The following CEP112 variants were observed in gnomAD, a reference collection of about 807,000 sequenced individuals.
CEP112 encodes the protein centrosomal protein 112, also known as centrosomal protein of 112 kDa.
CEP112 carries 127 observed loss-of-function variants against 153.0 expected under a neutral mutation model. That is an observed-to-expected ratio of 0.83 (90% CI 0.72 to 0.96). CEP112 has a LOEUF of 0.96. Ranked by LOEUF, CEP112 falls within the 40% of genes least tolerant of loss-of-function variation. The pLI, the probability that CEP112 is intolerant of heterozygous loss-of-function variation, is 0.00. For synonymous variants in CEP112, 358 were observed against 374.4 expected (o/e 0.96, Z 0.51); for missense variants, 1,089 against 1,101.2 (o/e 0.99, Z 0.16).
chr17:66,189,970 T>A (rs2073101828), intron 1 of CEP112, among the ~76,000 whole-genome samples: 1 of 152,126 alleles, frequency 6.6e-6, no homozygotes, highest in Non-Finnish European at 1.5e-5. Flanking sequence ...AGGTCAAGGC[T>A]GCAATGAGCC....
intron 21 of CEP112, among the ~76,000 whole-genome samples, chr17:65,847,133 A>T (rs773767680): frequency 2.6e-5 from 4 of 152,120 alleles, no homozygotes; most frequent in African/African-American, 9.7e-5. Context: ...TGTAAAAGAG[A>T]GTCTTCCCTT....
At chr17:66,138,871 CATCA>C (rs544159564) in intron 4 of CEP112, among the ~76,000 whole-genome samples, 67 of 152,142 alleles carry the variant, frequency 4.4e-4, no homozygotes, top group Admixed American at 3.5e-3. Context: ...AACAAATTCT[CATCA>C]ATCAATGAGT....
intron 1 of CEP112, among the ~76,000 whole-genome samples, chr17:66,188,275 CCACACACACAAACACACACACA>C (rs1248425115): frequency 7.5e-5 from 9 of 120,664 alleles, no homozygotes; most frequent in Non-Finnish European, 1.2e-4. Flanking sequence ...GTCTCTCACA[CCACACACACAAACACACACACA>C]CACACACACA....
intron 9 of CEP112, among the ~76,000 whole-genome samples, chr17:66,068,114 T>C (rs1003677839): frequency 2.0e-5 from 3 of 152,204 alleles, no homozygotes; most frequent in African/African-American, 7.2e-5. Context: ...ATAAAATTTG[T>C]GATTTTATAC....
chr17:66,058,502 T>A (rs1271848174), intron 11 of CEP112, among the ~76,000 whole-genome samples: 1 of 152,006 alleles, frequency 6.6e-6, no homozygotes, highest in Non-Finnish European at 1.5e-5. Flanking sequence ...GAAAAAAGAT[T>A]CTAAGATTCA....
chr17:65,772,587 C>T (rs2053426603), intron 21 of CEP112, among the ~76,000 whole-genome samples: 1 of 93,054 alleles, frequency 1.1e-5, no homozygotes, highest in Non-Finnish European at 2.0e-5. Context: ...CACACACACA[C>T]ACACACACAC....
At chr17:65,998,970 T>A (rs1007431735) in intron 17 of CEP112, among the ~76,000 whole-genome samples, 4 of 152,102 alleles carry the variant, frequency 2.6e-5, no homozygotes, top group Non-Finnish European at 5.9e-5. Context: ...ATTTAGAATT[T>A]AAATACAGAA....
chr17:65,823,628 A>G (rs1211283635), intron 21 of CEP112, among the ~76,000 whole-genome samples: 5 of 152,180 alleles, frequency 3.3e-5, no homozygotes, highest in African/African-American at 4.8e-5. Flanking sequence ...CACCAAAAAC[A>G]TCATCTATAA....
At chr17:65,851,719 T>C (rs1428602189) in intron 21 of CEP112, 85 bp downstream of exon 21, 5 of 950,580 alleles carry the variant, frequency 5.3e-6, no homozygotes, top group Non-Finnish European at 8.1e-6. Flanking sequence ...TCTACTACCT[T>C]TTGGAGATTA....
intron 13 of CEP112, among the ~76,000 whole-genome samples, 154 bp downstream of exon 13, chr17:66,029,707 TAAACAAAC>T (rs58836760): frequency 5.9e-4 from 78 of 132,050 alleles, no homozygotes; most frequent in South Asian, 3.0e-3. Flanking sequence ...TGTCTCTAAA[TAAACAAAC>T]AAACAAACAA....
chr17:65,891,889 G>T (rs905257277), intron 20 of CEP112, among the ~76,000 whole-genome samples: 1 of 152,146 alleles, frequency 6.6e-6, no homozygotes, highest in Non-Finnish European at 1.5e-5. Flanking sequence ...TCTTAAATGA[G>T]ATATCTTTTC....
chr17:66,120,312 T>G (rs1318205119), intron 6 of CEP112, among the ~76,000 whole-genome samples: 1 of 152,114 alleles, frequency 6.6e-6, no homozygotes, highest in Non-Finnish European at 1.5e-5. Flanking sequence ...GCAATTCTCC[T>G]GCTTCGGCCT....
chr17:66,117,812 T>G (rs943821456), intron 6 of CEP112, among the ~76,000 whole-genome samples: 14 of 152,152 alleles, frequency 9.2e-5, no homozygotes, highest in Non-Finnish European at 1.9e-4. Flanking sequence ...TCACACAACT[T>G]AATAGGGGGA....
Position 65,970,386 on chromosome 17 carries a change from T to TTAC in CEP112, c.1737-8789_1737-8788insGTA, listed in dbSNP as rs1568313710. 7.0e-3 allele frequency among the ~76,000 whole-genome samples: 432 copies of TTAC among 61,510 alleles called. 55 individuals carry two copies. Among genetic ancestry groups the TTAC allele is most frequent in the African/African-American group, 0.018 (405 of 23,012 alleles). The allele number at this position is 61,510 out of a possible 152,430, so 40.4% of individuals were successfully genotyped here. ...ATATTACATGCACACATCATGCATA[T>TTAC]ATATTACATGCATGCACACATCATG... is the stretch of plus-strand genomic sequence containing the variant. On this transcript the variant is annotated intron_variant, in intron 17 of 26. Coordinates refer to ENST00000535342, the MANE Select transcript of CEP112 (RefSeq NM_001199165.4).
rs112930735 is a variant in CEP112, at chr17:65,888,055, C to T, written c.2163+14097G>A. On this transcript the variant is annotated intron_variant, in intron 20 of 26. Transcript: ENST00000535342. The stretch of plus-strand genomic sequence containing the variant: ...TTCCAAAAACTCCCCCAGGGCATCC[C>T]ACCAGGAGGTTATCTTCCGGCAATA... 3.7e-3 allele frequency among the ~76,000 whole-genome samples: 563 copies of T among 152,290 alleles called. 4 individuals carry two copies. The highest frequency in any genetic ancestry group is 0.013 in the African/African-American group (542 of 41,556).
At chr17:65,677,460 A>G (rs376941000) in intron 24 of CEP112, among the ~76,000 whole-genome samples, 6 of 152,284 alleles carry the variant, frequency 3.9e-5, no homozygotes, top group African/African-American at 1.4e-4. Context: ...TTTCTACTGG[A>G]ACTATGCCTT....
At chr17:65,762,092 TC>T (rs1046987994) in intron 21 of CEP112, among the ~76,000 whole-genome samples, 1 of 152,070 alleles carries the variant, frequency 6.6e-6, no homozygotes. Flanking sequence ...TTTTTTTGCC[TC>T]ACGTATTTTG....
chr17:65,915,395 C>T (rs1269224328), intron 19 of CEP112, among the ~76,000 whole-genome samples: 4 of 149,564 alleles, frequency 2.7e-5, no homozygotes, highest in Non-Finnish European at 5.9e-5. Flanking sequence ...TAACCTCTAA[C>T]CAGCCCACTG....
chr17:66,130,648 C>T (rs1026634788), intron 5 of CEP112, among the ~76,000 whole-genome samples: 84 of 151,916 alleles, frequency 5.5e-4, no homozygotes, highest in African/African-American at 1.7e-3. Flanking sequence ...TGGTGGTGGG[C>T]ACCTGTAATC....
Sources: gnomAD v4.1 joint callset for allele counts (sites outside exome capture counted in the v4.1 genomes callset) on GRCh38, gnomAD v4.1.1 for gene constraint, MANE v1.5 for transcripts, NCBI Gene and HGNC (gene_info 2026-07-23, HGNC 2026-07-21) for gene names.